Variants in NEO1 observed in about 807,000 individuals in gnomAD.
NEO1 encodes neogenin 1.
In NEO1, 63 loss-of-function variants were observed where a neutral mutation model predicts 159.7. The observed-to-expected ratio is 0.39, with a 90% confidence interval of 0.32 to 0.49. The LOEUF (loss-of-function observed/expected upper bound fraction) is 0.49, where lower values mean the gene tolerates loss of function less well. Ranked by LOEUF, NEO1 falls within the 20% of genes least tolerant of loss-of-function variation. The pLI, the probability that NEO1 is intolerant of heterozygous loss-of-function variation, is 0.85. For missense variants in NEO1, 1,615 were observed against 1,831.0 expected (o/e 0.88, Z 2.15); for synonymous variants, 633 against 662.0 (o/e 0.96, Z 0.67).
intron 1 of NEO1, among the ~76,000 whole-genome samples, chr15:73,059,923 GA>G (rs2151237577): frequency 6.6e-6 from 1 of 152,162 alleles, no homozygotes; most frequent in South Asian, 2.1e-4. Flanking sequence ...TTTCAGAATT[GA>G]TTATTGGTCA....
chr15:73,121,519 TGTTA>T (rs977365742), intron 2 of NEO1, among the ~76,000 whole-genome samples: 6 of 152,202 alleles, frequency 3.9e-5, no homozygotes, highest in Admixed American at 1.3e-4. Flanking sequence ...TTGGTACTTT[TGTTA>T]GTTAATAATG....
intron 1 of NEO1, among the ~76,000 whole-genome samples, chr15:73,079,426 A>G (rs1257797227): frequency 6.6e-6 from 1 of 152,222 alleles, no homozygotes. Flanking sequence ...AAATGTAGGT[A>G]TGGTTGAAAC....
rs772877128 is a variant in NEO1, at chr15:73,289,157, G to A, written c.3661G>A (p.Glu1221Lys). 2.5e-6 allele frequency: 4 copies of A among 1,613,920 alleles called. No homozygotes were observed. Among genetic ancestry groups the A allele is most frequent in the African/African-American group, 1.3e-5 (1 of 74,906 alleles). ...RRNSYRGHES[E>K]DSMSTLAGRR... ...CGTTTAACATCTAGGGCATGAGTCA[G>A]AGGACAGCATGTCTACACTGGCTGG... Residue 1221 changes from glutamate to lysine, a missense_variant, in exon 25 of 29, where the codon GAG (glutamate) becomes AAG (lysine). Physicochemically the swap from Glu to Lys is moderately conservative, Grantham distance 56. This residue lies in a region of NEO1 where 471 missense variants were observed against 498.9 expected (regional missense o/e 0.94). Transcript: ENST00000261908.
intron 1 of NEO1, among the ~76,000 whole-genome samples, chr15:73,079,841 A>G (rs766170251): frequency 1.5e-4 from 23 of 152,234 alleles, no homozygotes; most frequent in Non-Finnish European, 2.5e-4. Flanking sequence ...AGACCTTTGC[A>G]TATATCAAAG....
At chr15:73,131,464 C>G (rs1339980744) in intron 4 of NEO1, among the ~76,000 whole-genome samples, 2 of 152,188 alleles carry the variant, frequency 1.3e-5, no homozygotes, top group African/African-American at 2.4e-5. Flanking sequence ...TTCTTACCAC[C>G]CTAAAGAAGT....
chr15:73,257,946 GC>G (rs2040446213), intron 13 of NEO1, among the ~76,000 whole-genome samples: 1 of 152,128 alleles, frequency 6.6e-6, no homozygotes. Context: ...CTTTTGTCTT[GC>G]TCCTTGCTTT....
chr15:73,169,491 T>G (rs1005427393), intron 5 of NEO1, among the ~76,000 whole-genome samples: 1 of 152,086 alleles, frequency 6.6e-6, no homozygotes, highest in African/African-American at 2.4e-5. Context: ...TACAGAGTAG[T>G]TAAAATCCAG....
chr15:73,141,050 T>C (rs1399261510), intron 5 of NEO1, among the ~76,000 whole-genome samples: 1 of 152,218 alleles, frequency 6.6e-6, no homozygotes, highest in Non-Finnish European at 1.5e-5. Flanking sequence ...TCAAGCTGTA[T>C]TGTTCATGTG....
rs1006378712 is a variant in NEO1, at chr15:73,302,840, G to A, written c.*144G>A. The A allele has an allele frequency of 5.6e-6, 4 of 718,928 alleles. No individual in the cohort carries two copies. The highest frequency in any genetic ancestry group is 5.3e-5 in the African/African-American group (3 of 56,222). 44.5% of individuals were successfully genotyped at this position (718,928 alleles called of 1,614,324 possible). On this transcript the variant is annotated 3_prime_UTR_variant, in exon 29 of 29. Transcript: ENST00000261908. ...CAGACTGGCCAGCGCCTCTGTGTAG[G>A]GCTGGCTCCAGGCATGGCCACCTGC...
chr15:73,124,249 A>T (rs28572029), intron 3 of NEO1, among the ~76,000 whole-genome samples: 4 of 122,864 alleles, frequency 3.3e-5, no homozygotes, highest in African/African-American at 1.0e-4. Flanking sequence ...TTTTTTTTAG[A>T]GATGGATTTT....
In NEO1 at chr15:73,139,029, C is replaced by T. The variant is rs145097334; in HGVS notation, c.1015+3002C>T. Among the ~76,000 whole-genome samples the T allele has an allele frequency of 5.9e-3, 905 of 152,126 alleles. 9 individuals carry two copies. The highest frequency in any genetic ancestry group is 0.021 in the African/African-American group (851 of 41,504). Reference sequence around the variant, plus strand: ...CAGTGCGGATTTTTCCTGGCTCTCTCGATGCTAAGAATATACAATGGGGAA... The same window carrying T: ...CAGTGCGGATTTTTCCTGGCTCTCTTGATGCTAAGAATATACAATGGGGAA... On this transcript the variant is annotated intron_variant, in intron 5 of 28. Coordinates refer to ENST00000261908, the MANE Select transcript of NEO1 (RefSeq NM_002499.4).
rs2042231689 is a variant in NEO1, at chr15:73,293,372, T to C, written c.3743-18T>C. 1 of 1,613,818 alleles carries C rather than the reference T, an allele frequency of 6.2e-7. No individual in the cohort carries two copies. Among genetic ancestry groups the C allele is most frequent in the Admixed American group, 1.7e-5 (1 of 59,978 alleles). ...TGCAAGCATGTTAAGCATTTCTCTG[T>C]CTTGTGTTCATTCACAGCTGTGATT... On this transcript the variant is annotated intron_variant, in intron 25 of 28. Coordinates refer to ENST00000261908, the MANE Select transcript of NEO1 (RefSeq NM_002499.4).
chr15:73,279,403 C>T (rs1418438552), intron 22 of NEO1, among the ~76,000 whole-genome samples: 4 of 139,218 alleles, frequency 2.9e-5, no homozygotes, highest in South Asian at 2.3e-4. Context: ...GGCTGGAGTG[C>T]AGTGGCATGA....
chr15:73,191,407 G>A (rs1454838732), intron 7 of NEO1, among the ~76,000 whole-genome samples: 2 of 148,488 alleles, frequency 1.3e-5, no homozygotes, highest in African/African-American at 4.9e-5. Flanking sequence ...GAGATTAAAA[G>A]TGAAGATAAA....
At chr15:73,145,910 T>A (rs1335305481) in intron 5 of NEO1, among the ~76,000 whole-genome samples, 1 of 152,194 alleles carries the variant, frequency 6.6e-6, no homozygotes, top group African/African-American at 2.4e-5. Flanking sequence ...AGTCCATTAA[T>A]GAGTGCATGA....
intron 7 of NEO1, among the ~76,000 whole-genome samples, chr15:73,185,849 T>A (rs900491075): frequency 5.3e-5 from 8 of 152,028 alleles, no homozygotes; most frequent in African/African-American, 1.9e-4. Flanking sequence ...AAGTAAATTA[T>A]AAGTAAATGG....
chr15:73,056,936 A>G (rs1262300003), intron 1 of NEO1, among the ~76,000 whole-genome samples: 1 of 152,184 alleles, frequency 6.6e-6, no homozygotes, highest in Non-Finnish European at 1.5e-5. Flanking sequence ...TGAATGCTCA[A>G]AGAAGATAAG....
In NEO1 at chr15:73,259,387, A is replaced by T. The variant is rs574503612; in HGVS notation, c.2203+511A>T. Reference sequence around the variant, plus strand: ...TTTTACTAATTTTTTTTTTTTTTTGAAAAGGGATCTCACACTGTCACCCAG... The same window carrying T: ...TTTTACTAATTTTTTTTTTTTTTTGTAAAGGGATCTCACACTGTCACCCAG... On this transcript the variant is annotated intron_variant, in intron 14 of 28. Coordinates refer to ENST00000261908, the MANE Select transcript of NEO1 (RefSeq NM_002499.4). 8.2e-3 allele frequency among the ~76,000 whole-genome samples: 256 copies of T among 31,330 alleles called. 1 individual carries two copies. The highest frequency in any genetic ancestry group is 0.014 in the African/African-American group (240 of 17,382). The allele number at this position is 31,330 out of a possible 152,430, so 20.6% of individuals were successfully genotyped here.
intron 22 of NEO1, among the ~76,000 whole-genome samples, chr15:73,281,458 T>A (rs2041709879): frequency 6.6e-6 from 1 of 152,018 alleles, no homozygotes; most frequent in Non-Finnish European, 1.5e-5. Context: ...GGTTTCACCA[T>A]GTTAGCCAGG....
Sources: gnomAD v4.1 joint callset for allele counts (sites outside exome capture counted in the v4.1 genomes callset) on GRCh38, gnomAD v4.1.1 for gene constraint, gnomAD v4.1.1 regional missense constraint, MANE v1.5 for transcripts, NCBI Gene and HGNC (gene_info 2026-07-23, HGNC 2026-07-21) for gene names.